Variants in TBX4 observed in about 807,000 individuals in gnomAD.
The protein encoded by TBX4 is T-box transcription factor 4.
A neutral mutation model predicts 54.6 loss-of-function variants in TBX4; 13 were observed. The observed-to-expected ratio is 0.24, with a 90% confidence interval of 0.15 to 0.38. TBX4 has a LOEUF of 0.38. Among genes scored for constraint, TBX4 ranks in the 10% least tolerant of loss-of-function variants. The pLI is 1.00. For missense variants in TBX4, 631 were observed against 728.5 expected (o/e 0.87, Z 1.54); for synonymous variants, 314 against 306.7 (o/e 1.02, Z -0.25).
rs765251401 is a variant in TBX4 at position 61,480,246 on chromosome 17, G to T, written c.948G>T (p.Pro316=). Residue 316 remains proline, a synonymous_variant, in exon 8 of 9, where the codon CCG becomes CCT. Coordinates refer to ENST00000644296, the MANE Select transcript of TBX4 (RefSeq NM_001321120.2). The surrounding 1 kb of genome is among the most constrained non-coding windows in gnomAD (Gnocchi z 6.2). ...GGGCACACTCACAGCTCGCGGAGCCGCAGGACCTGCCCCTCAGCACCTTTC... is the reference window on the plus strand; with the variant it reads ...GGGCACACTCACAGCTCGCGGAGCCTCAGGACCTGCCCCTCAGCACCTTTC... ...ENGAHSQLAE[P]QDLPLSTFPT... is the part of the protein sequence containing the mutation. The T allele has an allele frequency of 6.2e-7, 1 of 1,614,084 alleles. No individual in the cohort carries two copies. The highest frequency in any genetic ancestry group is 8.5e-7 in the Non-Finnish European group (1 of 1,180,010).
chr17:61,474,040 C>T lies in TBX4; in HGVS notation c.550-4587C>T, dbSNP rs759619644. The stretch of plus-strand genomic sequence containing the variant: ...TTCCTTGGATGCACCTCTTATCATC[C>T]GGGGTCTCAGTTTTCTTTCTTTCCT... On this transcript the variant is annotated intron_variant, in intron 5 of 8. Coordinates refer to ENST00000644296, the MANE Select transcript of TBX4 (RefSeq NM_001321120.2). This position sits in a 1 kb window ranked among gnomAD's most constrained non-coding sequence, Gnocchi z 4.6. 7.9e-5 allele frequency among the ~76,000 whole-genome samples: 12 copies of T among 152,152 alleles called. No individual in the cohort carries two copies. Among genetic ancestry groups the T allele is most frequent in the Non-Finnish European group, 1.5e-4 (10 of 68,014 alleles).
Position 61,457,626 on chromosome 17 carries a change from T to C in TBX4, c.276T>C (p.Ala92=), listed in dbSNP as rs3744447. The C allele has an allele frequency of 1.4e-5, 23 of 1,613,050 alleles. No homozygotes were observed. Among genetic ancestry groups the C allele is most frequent in the Non-Finnish European group, 1.8e-5 (21 of 1,179,694 alleles). ...GCACCGAGATGATCATCACTAAGGCTGGCAGGTCAGCGCTGGGAGATTTAC... is the reference window on the plus strand; with the variant it reads ...GCACCGAGATGATCATCACTAAGGCCGGCAGGTCAGCGCTGGGAGATTTAC... ...EAGTEMIITK[A]GRRMFPSYKV... The change falls in exon 3 of 9, where the codon GCT becomes GCC. Residue 92 remains alanine (A), a synonymous_variant. Coordinates refer to ENST00000644296, the MANE Select transcript of TBX4 (RefSeq NM_001321120.2). The surrounding 1 kb of genome is among the most constrained non-coding windows in gnomAD (Gnocchi z 8.2).
At chr17:61,454,052 G>A (rs1199452656) in intron 1 of TBX4, among the ~76,000 whole-genome samples, 1 of 152,140 alleles carries the variant, frequency 6.6e-6, no homozygotes, top group Non-Finnish European at 1.5e-5. Flanking sequence ...TGTGCCAGGC[G>A]GCCCTGAAAT....
chr17:61,470,546 A>G (rs1374455640), intron 5 of TBX4, among the ~76,000 whole-genome samples: 4 of 146,906 alleles, frequency 2.7e-5, no homozygotes, highest in East Asian at 2.0e-4. Context: ...TTGCTGTGGG[A>G]TTAGGAAAGC....
Position 61,484,977 on chromosome 17 carries a change from C to T in TBX4, c.*1461C>T, listed in dbSNP as rs2060694282. ...ATATATATATATATATATATAAACACACACACACTACAGATAAGGCTTTTT... is the reference window on the plus strand; with the variant it reads ...ATATATATATATATATATATAAACATACACACACTACAGATAAGGCTTTTT... On this transcript the variant is annotated 3_prime_UTR_variant, in exon 9 of 9. Transcript: ENST00000644296. The surrounding 1 kb of genome is among the most constrained non-coding windows in gnomAD (Gnocchi z 4.1). 1 of 146,168 alleles carries T rather than the reference C, an allele frequency of 6.8e-6. No homozygotes were observed. 9.1% of individuals were successfully genotyped at this position (146,168 alleles called of 1,614,324 possible).
At position 61,474,752 on chromosome 17, in the gene TBX4, ACT is replaced by A. The variant is rs1237890877; in HGVS notation, c.550-3872_550-3871del. Among the ~76,000 whole-genome samples the A allele has an allele frequency of 6.6e-6, 1 of 151,980 alleles. No homozygotes were observed. The highest frequency in any genetic ancestry group is 2.4e-5 in the African/African-American group (1 of 41,350). On this transcript the variant is annotated intron_variant, in intron 5 of 8. Coordinates refer to ENST00000644296, the MANE Select transcript of TBX4 (RefSeq NM_001321120.2). This position sits in a 1 kb window ranked among gnomAD's most constrained non-coding sequence, Gnocchi z 4.6. The stretch of plus-strand genomic sequence containing the variant: ...CCTCTGCAGCAAATATAAATGTGAA[ACT>A]CTGGCAAAGTAGTTTAATGTGGCGC...
chr17:61,456,649 C>G lies in TBX4; in HGVS notation c.159C>G (p.Asp53Glu). ...ALGSPPGPGADVVAAAAAEQT... is the reference protein window; with the variant it reads ...ALGSPPGPGAEVVAAAAAEQT... ...GCAGCCCCCCGGGACCCGGGGCCGA[C>G]GTCGTCGCCGCCGCCGCCGCGGAGC... Residue 53 changes from aspartate (D) to glutamate (E), a missense_variant, in exon 2 of 9, where the codon GAC becomes GAG. Asp to Glu is a conservative substitution (Grantham distance 45). This residue lies in a region of TBX4 where 123 missense variants were observed against 120.9 expected (regional missense o/e 1.02). Transcript: ENST00000644296. 7.4e-7 allele frequency: 1 copy of G among 1,349,798 alleles called. No homozygotes were observed. Among genetic ancestry groups the G allele is most frequent in the Non-Finnish European group, 9.5e-7 (1 of 1,049,218 alleles). The allele number at this position is 1,349,798 out of a possible 1,614,324, so 83.6% of individuals were successfully genotyped here. A position where few individuals can be genotyped will look rare whatever the true frequency, so the allele number is the denominator to read the frequency against.
At chr17:61,455,093 G>A (rs1204787594) in intron 1 of TBX4, among the ~76,000 whole-genome samples, 1 of 152,264 alleles carries the variant, frequency 6.6e-6, no homozygotes, top group African/African-American at 2.4e-5. Context: ...CCTGCAGGCT[G>A]TGGCCGAAGA....
Position 61,467,571 on chromosome 17 carries a change from C to T in TBX4, c.463C>T (p.Pro155Ser). 7 of 1,614,226 alleles carry T rather than the reference C, an allele frequency of 4.3e-6. No individual in the cohort carries two copies. Among genetic ancestry groups the T allele is most frequent in the Non-Finnish European group, 5.1e-6 (6 of 1,180,048 alleles). The change falls in exon 5 of 9, where the codon CCT becomes TCT. Residue 155 changes from proline (P) to serine (S), a missense_variant. Pro to Ser is a moderately conservative substitution (Grantham distance 74). Transcript: ENST00000644296. Reference protein sequence around the residue: ...PGRLYVHPDSPATGAHWMRQL... With the variant: ...PGRLYVHPDSSATGAHWMRQL... Reference sequence around the variant, plus strand: ...AAGGCTGTATGTCCACCCGGATTCTCCTGCCACAGGAGCCCACTGGATGCG... The same window carrying T: ...AAGGCTGTATGTCCACCCGGATTCTTCTGCCACAGGAGCCCACTGGATGCG...
In TBX4 at chr17:61,469,903, T is replaced by C. The variant is rs374162960; in HGVS notation, c.549+2246T>C. ...GGGAAAAGCCACGTTGTATTGGGAA[T>C]TGCCCTTCCTTCTGCACAACCACTT... On this transcript the variant is annotated intron_variant, in intron 5 of 8. Transcript: ENST00000644296. Among the ~76,000 whole-genome samples the C allele has an allele frequency of 5.3e-5, 8 of 152,324 alleles. No individual in the cohort carries two copies. The South Asian group carries it at 1.7e-3, about 32-fold the overall frequency.
At position 61,481,669 on chromosome 17, in the gene TBX4, C is replaced by G. The variant is rs1185222347; in HGVS notation, c.1022-1228C>G. On this transcript the variant is annotated intron_variant, in intron 8 of 8. Transcript: ENST00000644296. This position sits in a 1 kb window ranked among gnomAD's most constrained non-coding sequence, Gnocchi z 4.8. The stretch of plus-strand genomic sequence containing the variant: ...ACCCATTTAGCCCCTCTGCTTCCAG[C>G]CCCGTGGGTGCACACACAGAGCTCC... 2 of 152,400 alleles carry G rather than the reference C, an allele frequency of 1.3e-5. No homozygotes were observed. Among genetic ancestry groups the G allele is most frequent in the African/African-American group, 4.8e-5 (2 of 41,448 alleles). The allele number at this position is 152,400 out of a possible 1,614,324, so 9.4% of individuals were successfully genotyped here.
At position 61,455,218 on chromosome 17, in the gene TBX4, C is replaced by A. The variant is rs1393679442; in HGVS notation, c.-3-1270C>A. Reference sequence around the variant, plus strand: ...GTTTACTTTGCGAGGTCCTGGGAGTCGAAGTCTAAGCCCGGGATGAGGAGG... The same window carrying A: ...GTTTACTTTGCGAGGTCCTGGGAGTAGAAGTCTAAGCCCGGGATGAGGAGG... On this transcript the variant is annotated intron_variant, in intron 1 of 8. Transcript: ENST00000644296. Among the ~76,000 whole-genome samples, 4 of 152,300 alleles carry A rather than the reference C, an allele frequency of 2.6e-5. No individual in the cohort carries two copies. In the South Asian group the frequency reaches 8.3e-4, roughly 32 times the overall value.
rs1207189204 is a variant in TBX4 at position 61,457,598 on chromosome 17, C to T, written c.248C>T (p.Ala83Val). ...GAGCTCTGGAAGAAGTTCCACGAGG[C>T]GGGCACCGAGATGATCATCACTAAG... Reference protein sequence around the residue: ...EKELWKKFHEAGTEMIITKAG... With the variant: ...EKELWKKFHEVGTEMIITKAG... The change falls in exon 3 of 9, where the codon GCG becomes GTG. Residue 83 changes from alanine to valine, a missense_variant. This residue lies in a region of TBX4 where 154 missense variants were observed against 238.6 expected (regional missense o/e 0.65). Coordinates refer to ENST00000644296, the MANE Select transcript of TBX4 (RefSeq NM_001321120.2). This position sits in a 1 kb window ranked among gnomAD's most constrained non-coding sequence, Gnocchi z 8.2. 2 of 1,613,934 alleles carry T rather than the reference C, an allele frequency of 1.2e-6. No homozygotes were observed. The highest frequency in any genetic ancestry group is 1.7e-6 in the Non-Finnish European group (2 of 1,179,976).
In TBX4 at chr17:61,474,701, C is replaced by T. The variant is rs1171056946; in HGVS notation, c.550-3926C>T. ...ACCAGTCATGTAGTGGGGTTGTTGA[C>T]GTGGCTGGCCCATTTGGCCCCATAT... On this transcript the variant is annotated intron_variant, in intron 5 of 8. Transcript: ENST00000644296. This position sits in a 1 kb window ranked among gnomAD's most constrained non-coding sequence, Gnocchi z 4.6. Among the ~76,000 whole-genome samples the T allele has an allele frequency of 2.6e-5, 4 of 152,184 alleles. No individual in the cohort carries two copies. The highest frequency in any genetic ancestry group is 2.1e-4 in the South Asian group (1 of 4,824).
chr17:61,477,624 C>G (rs2060630477), intron 5 of TBX4, among the ~76,000 whole-genome samples: 3 of 152,222 alleles, frequency 2.0e-5, no homozygotes, highest in Admixed American at 2.0e-4. Flanking sequence ...ACACCGTCAG[C>G]AGGCCTCTGT....
chr17:61,479,445 A>G lies in TBX4; in HGVS notation c.703-436A>G, dbSNP rs2060647106. ...TGACAGAGTCGGAACTGCATCTAGAACGGTCACTCAGAGCCTGATGTAGTT... is the reference window on the plus strand; with the variant it reads ...TGACAGAGTCGGAACTGCATCTAGAGCGGTCACTCAGAGCCTGATGTAGTT... On this transcript the variant is annotated intron_variant, in intron 6 of 8. Coordinates refer to ENST00000644296, the MANE Select transcript of TBX4 (RefSeq NM_001321120.2). This position sits in a 1 kb window ranked among gnomAD's most constrained non-coding sequence, Gnocchi z 6.1. Among the ~76,000 whole-genome samples, 1 of 152,134 alleles carries G rather than the reference A, an allele frequency of 6.6e-6. No homozygotes were observed. Among genetic ancestry groups the G allele is most frequent in the African/African-American group, 2.4e-5 (1 of 41,418 alleles).
intron 4 of TBX4, 104 bp downstream of exon 4, chr17:61,466,042 G>A: frequency 6.5e-7 from 1 of 1,550,044 alleles, no homozygotes; most frequent in Non-Finnish European, 8.8e-7. Context: ...CTGAGTGACT[G>A]CCCAGGTCTG....
Position 61,480,141 on chromosome 17 carries a change from CCCCCAG to C in TBX4, c.845_850del (p.Pro282_Gln283del). On this transcript the variant is annotated inframe_deletion, in exon 8 of 9. Transcript: ENST00000644296. This position sits in a 1 kb window ranked among gnomAD's most constrained non-coding sequence, Gnocchi z 6.2. The stretch of plus-strand genomic sequence containing the variant: ...GCATCATGAGGCAGAGGCTCATCTC[CCCCCAG>C]CTCTCAGCCACACCGGACGTGGGCC... The C allele has an allele frequency of 6.2e-7, 1 of 1,614,132 alleles. No individual in the cohort carries two copies. Among genetic ancestry groups the C allele is most frequent in the Non-Finnish European group, 8.5e-7 (1 of 1,180,010 alleles).
Position 61,483,821 on chromosome 17 carries a change from G to A in TBX4, c.*305G>A. The A allele has an allele frequency of 4.8e-6, 2 of 417,436 alleles. No individual in the cohort carries two copies. The highest frequency in any genetic ancestry group is 5.1e-5 in the East Asian group (1 of 19,428). 25.9% of individuals were successfully genotyped at this position (417,436 alleles called of 1,614,324 possible). ...CATGCCCGTGGGTGGGATGGGAGTG[G>A]AGGGTTCATATGAGTTATTGAGAGG... On this transcript the variant is annotated 3_prime_UTR_variant, in exon 9 of 9. Transcript: ENST00000644296. The surrounding 1 kb of genome is among the most constrained non-coding windows in gnomAD (Gnocchi z 6.6).
Sources: allele counts gnomAD v4.1 joint callset (sites outside exome capture counted in the v4.1 genomes callset), GRCh38; gene constraint gnomAD v4.1.1; regional missense constraint gnomAD v4.1.1; non-coding constraint Gnocchi (gnomAD v3.1); transcripts MANE v1.5; gene names NCBI Gene and HGNC (gene_info 2026-07-23, HGNC 2026-07-21).